Variants in SLC38A11 observed in about 807,000 individuals in gnomAD.
SLC38A11 encodes solute carrier family 38 member 11.
In SLC38A11, 51 loss-of-function variants were observed where a neutral mutation model predicts 49.4. The ratio of observed to expected loss-of-function variants is 1.03; its 90% CI spans 0.83 to 1.30. The LOEUF is 1.30. SLC38A11 is among the 50% of genes most tolerant of loss of function. The pLI, the probability that SLC38A11 is intolerant of heterozygous loss-of-function variation, is 0.00. For missense variants in SLC38A11, 574 were observed against 556.2 expected (o/e 1.03, Z -0.32); for synonymous variants, 203 against 192.9 (o/e 1.05, Z -0.43).
In SLC38A11 at chr2:164,939,472, C is replaced by T. The variant is rs140708593; in HGVS notation, c.515G>A (p.Arg172Gln). 1,249 of 1,606,014 alleles carry T rather than the reference C, an allele frequency of 7.8e-4. 2 individuals are homozygous for T. Among genetic ancestry groups the T allele is most frequent in the Non-Finnish European group, 9.4e-4 (1,109 of 1,175,516 alleles). The change falls in exon 6 of 12, where the codon CGA becomes CAA. Residue 172 changes from arginine (R) to glutamine (Q), a missense_variant. Transcript: ENST00000685975. ...VTFTLPLSLY[R>Q]NIAKLGKVSL... ...TACCTTTCCAAGCTTTGCTATATTTCGGTACAAGGATAAAGGCAGAGTAAA... is the reference window on the plus strand; with the variant it reads ...TACCTTTCCAAGCTTTGCTATATTTTGGTACAAGGATAAAGGCAGAGTAAA...
chr2:164,909,326 A>C (rs1685239435), intron 10 of SLC38A11, among the ~76,000 whole-genome samples: 1 of 152,146 alleles, frequency 6.6e-6, no homozygotes, highest in African/African-American at 2.4e-5. Context: ...GACTACTCAG[A>C]TCAGGAAAGC....
At position 164,898,295 on chromosome 2, in the gene SLC38A11, T is replaced by G. The variant is rs1253645689; in HGVS notation, c.*142A>C. 1.6e-6 allele frequency: 1 copy of G among 621,318 alleles called. No homozygotes were observed. The highest frequency in any genetic ancestry group is 2.7e-6 in the Non-Finnish European group (1 of 364,598). 38.5% of individuals were successfully genotyped at this position (621,318 alleles called of 1,614,324 possible). A position where few individuals can be genotyped will look rare whatever the true frequency, so the allele number is the denominator to read the frequency against. On this transcript the variant is annotated 3_prime_UTR_variant, in exon 12 of 12. Coordinates refer to ENST00000685975, the MANE Select transcript of SLC38A11 (RefSeq NM_001351537.2). ...ATTCAATTTTTCTTTTCTTTATCTT[T>G]TATATTGCACTACTCATAAAAGCCA... is the stretch of plus-strand genomic sequence containing the variant.
intron 7 of SLC38A11, among the ~76,000 whole-genome samples, chr2:164,927,130 T>A (rs1686657730): frequency 6.6e-6 from 1 of 152,180 alleles, no homozygotes; most frequent in Non-Finnish European, 1.5e-5. Flanking sequence ...GTTCAGCGTC[T>A]TTTTGTTCTT....
chr2:164,924,414 T>C (rs1686423803), intron 7 of SLC38A11, among the ~76,000 whole-genome samples: 1 of 152,180 alleles, frequency 6.6e-6, no homozygotes, highest in Non-Finnish European at 1.5e-5. Flanking sequence ...GGATCATTTG[T>C]ACAGGTGACT....
At chr2:164,902,308 A>G (rs1412851588) in intron 11 of SLC38A11, among the ~76,000 whole-genome samples, 1 of 152,056 alleles carries the variant, frequency 6.6e-6, no homozygotes, top group East Asian at 1.9e-4. Context: ...GGTGTGAGCC[A>G]CCGCACCCAG....
intron 7 of SLC38A11, among the ~76,000 whole-genome samples, chr2:164,931,053 A>G (rs1686963630): frequency 6.6e-6 from 1 of 152,074 alleles, no homozygotes; most frequent in South Asian, 2.1e-4. Flanking sequence ...ACTTCAGCAA[A>G]GCTTCAGGAT....
At chr2:164,931,755 C>T (rs1428183688) in intron 7 of SLC38A11, among the ~76,000 whole-genome samples, 1 of 152,044 alleles carries the variant, frequency 6.6e-6, no homozygotes, top group Non-Finnish European at 1.5e-5. Flanking sequence ...TTCCTTACAC[C>T]ATACACAAAA....
intron 7 of SLC38A11, among the ~76,000 whole-genome samples, chr2:164,921,023 A>T (rs529258964): frequency 6.6e-6 from 1 of 152,196 alleles, no homozygotes. Context: ...AGAGAAAAAA[A>T]AAAGGAAAAG....
At chr2:164,916,992 A>G (rs1373497548) in intron 7 of SLC38A11, among the ~76,000 whole-genome samples, 1 of 152,068 alleles carries the variant, frequency 6.6e-6, no homozygotes, top group Non-Finnish European at 1.5e-5. Flanking sequence ...TGTAGATTAA[A>G]TGAGATAAAA....
At chr2:164,942,655 T>C (rs1207409607) in intron 5 of SLC38A11, among the ~76,000 whole-genome samples, 1 of 152,228 alleles carries the variant, frequency 6.6e-6, no homozygotes, top group African/African-American at 2.4e-5. Context: ...CTGTGTCTTA[T>C]ATTCTGACCA....
rs1286624789 is a variant in SLC38A11 at position 164,945,630 on chromosome 2, C to A, written c.327G>T (p.Leu109=). 2 of 1,610,714 alleles carry A rather than the reference C, an allele frequency of 1.2e-6. No homozygotes were observed. The highest frequency in any genetic ancestry group is 8.5e-7 in the Non-Finnish European group (1 of 1,179,294). Residue 109 remains leucine, a synonymous_variant, in exon 4 of 12, where the codon CTG becomes CTT. Coordinates refer to ENST00000685975, the MANE Select transcript of SLC38A11 (RefSeq NM_001351537.2). ...VNKTFGFPGY[L]LLSVLQFLYP... ...ACAAAAACTGAAGAACAGAGAGGAG[C>A]AGATACCCTGGAAAGCCGAAAGTTT...
chr2:164,926,959 A>C (rs67476941), intron 7 of SLC38A11, among the ~76,000 whole-genome samples: 11,282 of 150,874 alleles, frequency 0.075, 470 homozygotes, highest in Admixed American at 0.1. Context: ...ACATGTATAC[A>C]TATGTAACAA....
chr2:164,932,158 A>C (rs796071050), intron 7 of SLC38A11, among the ~76,000 whole-genome samples: 2 of 152,322 alleles, frequency 1.3e-5, no homozygotes, highest in African/African-American at 4.8e-5. Flanking sequence ...ATATGAAAAA[A>C]AGCTCAGCAT....
At chr2:164,944,429 T>C in intron 5 of SLC38A11, 140 bp downstream of exon 5, 1 of 360,512 alleles carries the variant, frequency 2.8e-6, no homozygotes, top group Non-Finnish European at 5.0e-6. Flanking sequence ...TCAGAATGGA[T>C]CATGGATATT....
intron 5 of SLC38A11, among the ~76,000 whole-genome samples, chr2:164,941,464 T>C (rs1687761078): frequency 1.3e-5 from 2 of 152,188 alleles, no homozygotes; most frequent in South Asian, 4.1e-4. Context: ...TCACAAGATA[T>C]ACAAACAGAA....
intron 3 of SLC38A11, 59 bp downstream of exon 3, chr2:164,952,646 GTA>G (rs1553505981): frequency 2.7e-5 from 26 of 953,278 alleles, no homozygotes; most frequent in Non-Finnish European, 3.4e-5. Context: ...GTGTGTGTGT[GTA>G]TGTGTGTAGT....
In SLC38A11 at chr2:164,954,714, G is replaced by C. The variant is rs1465073353; in HGVS notation, c.71C>G (p.Ser24Cys). Residue 24 changes from serine (S) to cysteine (C), a missense_variant, in exon 2 of 12, where the codon TCT becomes TGT. Transcript: ENST00000685975. Reference protein sequence around the residue: ...RDLDDRETLVSEHEYKEKTCQ... With the variant: ...RDLDDRETLVCEHEYKEKTCQ... ...GGTTTTCTCTTTATACTCATGTTCA[G>C]AAACAAGGGTTTCTCTGTCATCTAA... 2.6e-6 allele frequency: 4 copies of C among 1,535,536 alleles called. No homozygotes were observed. In the South Asian group the frequency reaches 5.0e-5, roughly 19 times the overall value.
rs559420430 is a variant in SLC38A11, at chr2:164,895,553, T to C, written c.*2884A>G. 6 of 152,194 alleles carry C rather than the reference T, an allele frequency of 3.9e-5. No homozygotes were observed. Among genetic ancestry groups the C allele is most frequent in the Non-Finnish European group, 7.4e-5 (5 of 68,024 alleles). The allele number at this position is 152,194 out of a possible 1,614,324, so 9.4% of individuals were successfully genotyped here. A position where few individuals can be genotyped will look rare whatever the true frequency, so the allele number is the denominator to read the frequency against. ...TCTTTAATTAAGTAGATGTGTATAGTATGACTTCAGCAGAGGACTAATTGA... is the reference window on the plus strand; with the variant it reads ...TCTTTAATTAAGTAGATGTGTATAGCATGACTTCAGCAGAGGACTAATTGA... On this transcript the variant is annotated 3_prime_UTR_variant, in exon 12 of 12. Transcript: ENST00000685975.
intron 7 of SLC38A11, among the ~76,000 whole-genome samples, chr2:164,932,537 C>A (rs989158850): frequency 6.6e-5 from 10 of 152,118 alleles, no homozygotes; most frequent in Non-Finnish European, 1.3e-4. Flanking sequence ...GGTACATGTA[C>A]ACCATGGAAT....
Sources: gnomAD v4.1 joint callset for allele counts (sites outside exome capture counted in the v4.1 genomes callset) on GRCh38, gnomAD v4.1.1 for gene constraint, MANE v1.5 for transcripts, NCBI Gene and HGNC (gene_info 2026-07-23, HGNC 2026-07-21) for gene names.